Variants in ZNF638 observed in about 807,000 individuals in gnomAD.
The protein encoded by ZNF638 is zinc finger protein 638.
ZNF638 carries 46 observed loss-of-function variants against 195.6 expected under a neutral mutation model. The ratio of observed to expected loss-of-function variants is 0.24; its 90% CI spans 0.19 to 0.30. The LOEUF (loss-of-function observed/expected upper bound fraction) is 0.30. ZNF638 is among the 10% of genes least tolerant of loss of function. The probability of loss-of-function intolerance (pLI) is 1.00; values close to 1 mark genes in which losing one functional copy is unlikely to be tolerated. For synonymous variants in ZNF638, 845 were observed against 772.0 expected (o/e 1.09, Z -1.57); for missense variants, 2,440 against 2,325.3 (o/e 1.05, Z -1.01).
chr2:71,393,903 A>G lies in ZNF638; in HGVS notation c.2378-2238A>G, dbSNP rs182505153. On this transcript the variant is annotated intron_variant, in intron 10 of 27. Transcript: ENST00000264447. Reference sequence around the variant, plus strand: ...CTACATATCACTCCATTATCTTCCCACTGTGTGTAAGGTTACTATGTACCT... The same window carrying G: ...CTACATATCACTCCATTATCTTCCCGCTGTGTGTAAGGTTACTATGTACCT... Among the ~76,000 whole-genome samples, 211 of 152,068 alleles carry G rather than the reference A, an allele frequency of 1.4e-3. 2 individuals carry two copies. Among genetic ancestry groups the G allele is most frequent in the Admixed American group, 7.0e-3 (107 of 15,272 alleles).
At chr2:71,336,402 CA>C (rs1269643337) in intron 1 of ZNF638, among the ~76,000 whole-genome samples, 1 of 121,056 alleles carries the variant, frequency 8.3e-6, no homozygotes, top group East Asian at 3.0e-4. Context: ...AAAAAAAAAC[CA>C]AAAAAACACA....
intron 4 of ZNF638, 78 bp downstream of exon 4, chr2:71,363,269 CTT>C (rs2079138954): frequency 9.3e-7 from 1 of 1,075,772 alleles, no homozygotes; most frequent in Non-Finnish European, 1.3e-6. Flanking sequence ...GAAAGTGATT[CTT>C]TTGAGTTCTA....
intron 20 of ZNF638, 104 bp from the exon 21 acceptor site, chr2:71,418,498 G>GTTTTT: frequency 7.8e-6 from 5 of 640,402 alleles, no homozygotes; most frequent in African/African-American, 1.9e-5. Context: ...CATTTTTAAG[G>GTTTTT]TTTTTTTTTT....
Position 71,402,070 on chromosome 2 carries a change from T to C in ZNF638, c.2812T>C (p.Leu938=), listed in dbSNP as rs778301372. The change falls in exon 16 of 28, where the codon TTA becomes CTA. Residue 938 remains leucine, a synonymous_variant. Transcript: ENST00000264447. ...PFGGLKDILI[L]SSHKKAYIEI... Reference sequence around the variant, plus strand: ...TGGTGGTTTAAAGGATATCTTGATTTTATCATCTCATAAAAAGGTAAGAGT... The same window carrying C: ...TGGTGGTTTAAAGGATATCTTGATTCTATCATCTCATAAAAAGGTAAGAGT... 5.0e-6 allele frequency: 8 copies of C among 1,605,976 alleles called. No homozygotes were observed. The highest frequency in any genetic ancestry group is 6.8e-6 in the Non-Finnish European group (8 of 1,176,162).
At position 71,399,209 on chromosome 2, in the gene ZNF638, C is replaced by G. The variant is rs955621808; in HGVS notation, c.2501-350C>G. Among the ~76,000 whole-genome samples the G allele has an allele frequency of 9.2e-5, 14 of 152,166 alleles. No individual in the cohort carries two copies. In the East Asian group the frequency reaches 2.1e-3, roughly 23 times the overall value. ...TATTTAAAATAAATTTAGCACCTTG[C>G]AACTAGAGCAATCTTTTTAGTAGTA... On this transcript the variant is annotated intron_variant, in intron 12 of 27. Coordinates refer to ENST00000264447, the MANE Select transcript of ZNF638 (RefSeq NM_014497.5).
At chr2:71,376,781 C>A (rs2079435620) in intron 8 of ZNF638, among the ~76,000 whole-genome samples, 2 of 152,104 alleles carry the variant, frequency 1.3e-5, no homozygotes, top group Admixed American at 6.5e-5. Context: ...AACTAGGTAA[C>A]TTAGTCTTTA....
At chr2:71,357,885 A>G (rs1303173787) in intron 3 of ZNF638, among the ~76,000 whole-genome samples, 1 of 72,706 alleles carries the variant, frequency 1.4e-5, no homozygotes, top group African/African-American at 5.3e-5. Context: ...AAATTGAAAG[A>G]TTGTGGGAAC....
At chr2:71,402,131 A>G (rs932412194) in intron 16 of ZNF638, 44 bp downstream of exon 16, 1 of 1,526,748 alleles carries the variant, frequency 6.5e-7, no homozygotes, top group Non-Finnish European at 8.8e-7. Context: ...GCAAGCATGC[A>G]TGCTTTGAAA....
At chr2:71,393,574 G>T in intron 10 of ZNF638, 1 of 717,964 alleles carries the variant, frequency 1.4e-6, no homozygotes. Context: ...AACTTACAAG[G>T]CTGAGCAAAT....
chr2:71,417,534 A>G (rs2080325603), intron 20 of ZNF638, among the ~76,000 whole-genome samples: 1 of 136,594 alleles, frequency 7.3e-6, no homozygotes, highest in Non-Finnish European at 1.7e-5. Flanking sequence ...AGTTGTCTGA[A>G]ATATCTTTTC....
At position 71,423,998 on chromosome 2, in the gene ZNF638, C is replaced by T. The variant is rs748055856; in HGVS notation, c.4484C>T (p.Ala1495Val). ...ACAAAACAATCTCAGGAAACAGAGG[C>T]TAGACCTTCCATCATGAAACGGGAT... ...DITKQSQETE[A>V]RPSIMKRDDS... Residue 1495 changes from alanine (A) to valine (V), a missense_variant, in exon 22 of 28, where the codon GCT becomes GTT. Coordinates refer to ENST00000264447, the MANE Select transcript of ZNF638 (RefSeq NM_014497.5). 2 of 1,613,962 alleles carry T rather than the reference C, an allele frequency of 1.2e-6. No homozygotes were observed.
At chr2:71,405,530 A>T in intron 17 of ZNF638, 71 bp from the exon 18 acceptor site, 1 of 955,848 alleles carries the variant, frequency 1.0e-6, no homozygotes, top group South Asian at 1.5e-5. Flanking sequence ...CATGTTATAA[A>T]TCTTAACTAA....
chr2:71,393,606 A>C (rs1025351857), intron 10 of ZNF638: 8 of 718,024 alleles, frequency 1.1e-5, no homozygotes, highest in Non-Finnish European at 1.6e-5. Context: ...CACAGAAACC[A>C]TTCACTCCAG....
chr2:71,365,964 C>T lies in ZNF638; in HGVS notation c.1995+258C>T, dbSNP rs78616570. Among the ~76,000 whole-genome samples the T allele has an allele frequency of 2.5e-3, 377 of 152,310 alleles. 11 individuals are homozygous for T. In the East Asian group the frequency reaches 0.066, roughly 27 times the overall value. ...GAACTACTAGGTTCAGGCAGTCCTT[C>T]CACGTCAGCTTCCCTAAGTGCATGA... is the stretch of plus-strand genomic sequence containing the variant. On this transcript the variant is annotated intron_variant, in intron 6 of 27. Coordinates refer to ENST00000264447, the MANE Select transcript of ZNF638 (RefSeq NM_014497.5).
intron 1 of ZNF638, among the ~76,000 whole-genome samples, chr2:71,334,853 G>A (rs2078636430): frequency 6.6e-6 from 1 of 151,930 alleles, no homozygotes; most frequent in South Asian, 2.1e-4. Flanking sequence ...CCCGGGAGGT[G>A]GAGGTTGCAG....
intron 6 of ZNF638, 78 bp from the exon 7 acceptor site, chr2:71,368,304 G>T: frequency 1.4e-6 from 2 of 1,399,764 alleles, no homozygotes; most frequent in Non-Finnish European, 1.9e-6. Context: ...AGTGGTAGAA[G>T]AAATTATATA....
At chr2:71,429,595 C>G (rs2080614189) in intron 25 of ZNF638, among the ~76,000 whole-genome samples, 1 of 152,156 alleles carries the variant, frequency 6.6e-6, no homozygotes, top group African/African-American at 2.4e-5. Flanking sequence ...CTTGAAATCT[C>G]TCTAGCTCCT....
chr2:71,405,511 A>G (rs2080089057), intron 17 of ZNF638, 90 bp from the exon 18 acceptor site: 4 of 792,514 alleles, frequency 5.0e-6, no homozygotes, highest in Non-Finnish European at 4.1e-6. Flanking sequence ...GCATATTTGT[A>G]TAGATTGTCA....
chr2:71,360,737 G>T (rs2079095519), intron 3 of ZNF638, among the ~76,000 whole-genome samples: 1 of 152,030 alleles, frequency 6.6e-6, no homozygotes, highest in African/African-American at 2.4e-5. Context: ...TGCTTCGTTG[G>T]TGATGTGTAT....
Sources: allele counts gnomAD v4.1 joint callset (sites outside exome capture counted in the v4.1 genomes callset), GRCh38; gene constraint gnomAD v4.1.1; transcripts MANE v1.5; gene names NCBI Gene and HGNC (gene_info 2026-07-23, HGNC 2026-07-21).